GRID2IP: variants seen among roughly 807,000 people sequenced by gnomAD.
The protein encoded by GRID2IP is Grid2 interacting protein.
Under a neutral mutation model 114.3 loss-of-function variants are expected in GRID2IP, and 78 were observed. The ratio of observed to expected loss-of-function variants is 0.68; its 90% CI spans 0.57 to 0.82. The LOEUF is 0.82. GRID2IP is among the 40% of genes least tolerant of loss of function. The pLI is 0.00. For missense variants in GRID2IP, 1,727 were observed against 1,678.5 expected, an observed-to-expected ratio of 1.03 and a Z score of -0.51; for synonymous variants, 809 against 724.0, an observed-to-expected ratio of 1.12 and a Z score of -1.89.
intron 4 of GRID2IP, among the ~76,000 whole-genome samples, chr7:6,522,576 T>G (rs1310555357): frequency 6.6e-6 from 1 of 151,858 alleles, no homozygotes; most frequent in East Asian, 1.9e-4. Flanking sequence ...AGCCTCAACC[T>G]CCTAGGCTCA....
Position 6,526,388 on chromosome 7 carries a change from T to G in GRID2IP, c.834-79A>C. 2 of 1,507,674 alleles carry G rather than the reference T, an allele frequency of 1.3e-6. No homozygotes were observed. Among genetic ancestry groups the G allele is most frequent in the Non-Finnish European group, 1.8e-6 (2 of 1,112,800 alleles). The allele number at this position is 1,507,674 out of a possible 1,614,324, so 93.4% of individuals were successfully genotyped here. A position where few individuals can be genotyped will look rare whatever the true frequency, so the allele number is the denominator to read the frequency against. On this transcript the variant is annotated intron_variant, in intron 3 of 21. Transcript: ENST00000457091. This position sits in a 1 kb window ranked among gnomAD's most constrained non-coding sequence, Gnocchi z 7.6. ...AGAGGTTGGAGATGTCCCGTGTCCC[T>G]CTCCCCTTAACCTCTCCGGCCCCCT...
chr7:6,503,225 A>C, intron 16 of GRID2IP, 62 bp from the exon 17 acceptor site: 31 of 545,060 alleles, frequency 5.7e-5, no homozygotes, highest in Non-Finnish European at 8.3e-5. Flanking sequence ...GCCCCACCGC[A>C]GGCTTTGGGG....
chr7:6,498,895 C>T lies in GRID2IP; in HGVS notation c.3400-667G>A, dbSNP rs1056727802. Among the ~76,000 whole-genome samples the T allele has an allele frequency of 2.6e-5, 4 of 152,150 alleles. No individual in the cohort carries two copies. In the East Asian group the frequency reaches 5.8e-4, roughly 22 times the overall value. On this transcript the variant is annotated intron_variant, in intron 20 of 21. Transcript: ENST00000457091. The stretch of plus-strand genomic sequence containing the variant: ...CCACTGCACCTGGCCTTAGGCCTTA[C>T]TCTGTTTTCTAGAGCATTTGTCATG...
At position 6,508,868 on chromosome 7, in the gene GRID2IP, G is replaced by A. The variant is rs1786674932; in HGVS notation, c.2127+90C>T. 34 of 1,474,692 alleles carry A rather than the reference G, an allele frequency of 2.3e-5. No individual in the cohort carries two copies. Among genetic ancestry groups the A allele is most frequent in the Non-Finnish European group, 3.0e-5 (33 of 1,114,704 alleles). 91.4% of individuals were successfully genotyped at this position (1,474,692 alleles called of 1,614,324 possible). On this transcript the variant is annotated intron_variant, in intron 12 of 21. Coordinates refer to ENST00000457091, the MANE Select transcript of GRID2IP (RefSeq NM_001145118.2). This position sits in a 1 kb window ranked among gnomAD's most constrained non-coding sequence, Gnocchi z 5.6. ...CTGGGGAAGATCCCAAGGGCAGCAG[G>A]CCCCTTGCGGGAGCCCAGGAACACT...
intron 1 of GRID2IP, among the ~76,000 whole-genome samples, chr7:6,546,771 C>A (rs140734142): frequency 6.6e-6 from 1 of 152,036 alleles, no homozygotes; most frequent in African/African-American, 2.4e-5. Flanking sequence ...CTACCCTCAG[C>A]GGGTTGCTGC....
At chr7:6,535,443 G>A (rs1024302768) in intron 2 of GRID2IP, among the ~76,000 whole-genome samples, 4 of 152,182 alleles carry the variant, frequency 2.6e-5, no homozygotes, top group African/African-American at 9.6e-5. Flanking sequence ...TTGGCCACTG[G>A]GATCACCCTT....
In GRID2IP at chr7:6,508,949, C is replaced by A. The variant is rs116405237; in HGVS notation, c.2127+9G>T. The A allele has an allele frequency of 1.9e-6, 3 of 1,543,298 alleles. No individual in the cohort carries two copies. Among genetic ancestry groups the A allele is most frequent in the African/African-American group, 2.7e-5 (2 of 72,984 alleles). ...ACCCGCCTCCCTCCACACCTGCTTG[C>A]GTGCCCACCTCCTCGTAGTCGTTCT... On this transcript the variant is annotated intron_variant, in intron 12 of 21. Coordinates refer to ENST00000457091, the MANE Select transcript of GRID2IP (RefSeq NM_001145118.2). This position sits in a 1 kb window ranked among gnomAD's most constrained non-coding sequence, Gnocchi z 5.6.
Position 6,509,108 on chromosome 7 carries a change from G to T in GRID2IP, c.1977C>A (p.Thr659=). ...AGAGCTTCCTGCGGCTGGGCGGGCG[G>T]GTGGGGTCCGGGCTTGGGGGGCTGT... The part of the protein sequence containing the change: ...CPDSPPSPDP[T]RPPSRRKLFT... Residue 659 remains threonine, a synonymous_variant, in exon 12 of 22, where the codon ACC becomes ACA. Coordinates refer to ENST00000457091, the MANE Select transcript of GRID2IP (RefSeq NM_001145118.2). The surrounding 1 kb of genome is among the most constrained non-coding windows in gnomAD (Gnocchi z 4.9). 6.8e-7 allele frequency: 1 copy of T among 1,476,654 alleles called. No individual in the cohort carries two copies. The allele number at this position is 1,476,654 out of a possible 1,614,324, so 91.5% of individuals were successfully genotyped here.
chr7:6,510,205 G>T, intron 11 of GRID2IP, 78 bp downstream of exon 11: 1 of 926,642 alleles, frequency 1.1e-6, no homozygotes, highest in Non-Finnish European at 1.6e-6. Context: ...CCCTGATGGA[G>T]CAGAGAAGCA....
chr7:6,549,057 T>A (rs1181906205), intron 1 of GRID2IP, among the ~76,000 whole-genome samples: 1 of 152,128 alleles, frequency 6.6e-6, no homozygotes, highest in Non-Finnish European at 1.5e-5. Flanking sequence ...CTGAAAGCCC[T>A]GGAGGACAGG....
At chr7:6,530,328 C>T (rs1282093733) in intron 2 of GRID2IP, among the ~76,000 whole-genome samples, 1 of 149,916 alleles carries the variant, frequency 6.7e-6, no homozygotes, top group East Asian at 2.0e-4. Context: ...CAGGGGTACA[C>T]TCTTGGCTCA....
rs74847971 is a variant in GRID2IP at position 6,545,734 on chromosome 7, G to A, written c.429+5274C>T. Among the ~76,000 whole-genome samples, 778 of 152,312 alleles carry A rather than the reference G, an allele frequency of 5.1e-3. 8 individuals carry two copies. The highest frequency in any genetic ancestry group is 0.018 in the African/African-American group (751 of 41,572). On this transcript the variant is annotated intron_variant, in intron 1 of 21. Coordinates refer to ENST00000457091, the MANE Select transcript of GRID2IP (RefSeq NM_001145118.2). ...GCCTGGCACATATTAGGCACTCAGA[G>A]AATGTGGATGGGACTGAATCAAAAA...
rs1428637424 is a variant in GRID2IP at position 6,509,696 on chromosome 7, G to C, written c.1772-383C>G. Among the ~76,000 whole-genome samples the C allele has an allele frequency of 6.6e-6, 1 of 152,208 alleles. No individual in the cohort carries two copies. The highest frequency in any genetic ancestry group is 6.5e-5 in the Admixed American group (1 of 15,284). The stretch of plus-strand genomic sequence containing the variant: ...TGAGATCACAGGAGGGCCTCCCAGG[G>C]CTCCTGCCTTCTGAGCTGCAGAGCA... On this transcript the variant is annotated intron_variant, in intron 11 of 21. Transcript: ENST00000457091. This position sits in a 1 kb window ranked among gnomAD's most constrained non-coding sequence, Gnocchi z 4.9.
intron 8 of GRID2IP, among the ~76,000 whole-genome samples, chr7:6,512,371 G>A (rs1392861639): frequency 6.6e-6 from 1 of 150,670 alleles, no homozygotes; most frequent in African/African-American, 2.4e-5. Flanking sequence ...ACAGGTGTGT[G>A]CCACCACACC....
At chr7:6,498,373 C>G in intron 20 of GRID2IP, 145 bp from the exon 21 acceptor site, 1 of 731,052 alleles carries the variant, frequency 1.4e-6, no homozygotes, top group Non-Finnish European at 2.2e-6. Flanking sequence ...AACAGGGAAC[C>G]AGGCCCTGTT....
At chr7:6,498,637 T>C (rs988429373) in intron 20 of GRID2IP, among the ~76,000 whole-genome samples, 4 of 141,890 alleles carry the variant, frequency 2.8e-5, no homozygotes, top group African/African-American at 1.1e-4. Context: ...TGGAGTGCAG[T>C]GGTGTGATCA....
chr7:6,525,179 C>T (rs1236334960), intron 4 of GRID2IP, among the ~76,000 whole-genome samples: 6 of 151,810 alleles, frequency 4.0e-5, no homozygotes, highest in African/African-American at 1.2e-4. Context: ...TGGTGGCAGG[C>T]GCCTGTAATC....
intron 2 of GRID2IP, among the ~76,000 whole-genome samples, chr7:6,533,929 C>T (rs1387128775): frequency 1.3e-5 from 2 of 152,132 alleles, no homozygotes; most frequent in Non-Finnish European, 2.9e-5. Flanking sequence ...GGCTTACAGG[C>T]ATGAACCACT....
chr7:6,531,901 G>T (rs930124023), intron 2 of GRID2IP, among the ~76,000 whole-genome samples: 3 of 152,230 alleles, frequency 2.0e-5, no homozygotes. Context: ...AGGAGGTGGA[G>T]TGTCTGAGGC....
Sources: allele counts gnomAD v4.1 joint callset (sites outside exome capture counted in the v4.1 genomes callset), GRCh38; gene constraint gnomAD v4.1.1; non-coding constraint Gnocchi (gnomAD v3.1); transcripts MANE v1.5; gene names NCBI Gene and HGNC (gene_info 2026-07-23, HGNC 2026-07-21).